DIS3L2: variants seen among roughly 807,000 people sequenced by gnomAD.
DIS3L2 encodes DIS3-like exonuclease 2.
DIS3L2 carries 34 observed loss-of-function variants against 97.5 expected under a neutral mutation model. The ratio of observed to expected loss-of-function variants is 0.35; its 90% CI spans 0.27 to 0.46. DIS3L2 has a LOEUF of 0.46. Among genes scored for constraint, DIS3L2 ranks in the 20% least tolerant of loss-of-function variants. The pLI is 1.00. For synonymous variants in DIS3L2, 435 were observed against 445.2 expected (o/e 0.98, Z 0.29); for missense variants, 1,038 against 1,146.0 (o/e 0.91, Z 1.36).
intron 4 of DIS3L2, among the ~76,000 whole-genome samples, chr2:232,027,707 G>C (rs1157825171): frequency 1.3e-5 from 2 of 152,126 alleles, no homozygotes; most frequent in African/African-American, 2.4e-5. Flanking sequence ...CTTGACTTAG[G>C]TTCATTATAA....
chr2:232,099,842 A>T (rs1306278781), intron 6 of DIS3L2, among the ~76,000 whole-genome samples: 1 of 152,188 alleles, frequency 6.6e-6, no homozygotes, highest in East Asian at 1.9e-4. Flanking sequence ...CTTTATTAGC[A>T]TGTAGATATT....
chr2:232,113,226 C>T (rs1697592271), intron 6 of DIS3L2, among the ~76,000 whole-genome samples: 1 of 152,130 alleles, frequency 6.6e-6, no homozygotes, highest in Non-Finnish European at 1.5e-5. Flanking sequence ...CCTAGCTGTC[C>T]TTGAGTTTTT....
chr2:232,163,661 A>G (rs769881106), intron 9 of DIS3L2, 29 bp downstream of exon 9: 15 of 1,602,790 alleles, frequency 9.4e-6, no homozygotes, highest in East Asian at 4.5e-5. Flanking sequence ...TTAAGAACGT[A>G]TATCTCCCTT....
Position 232,086,632 on chromosome 2 carries a change from CAT to C in DIS3L2, c.367-844_367-843del, listed in dbSNP as rs66493057. 3.8e-3 allele frequency among the ~76,000 whole-genome samples: 262 copies of C among 69,130 alleles called. 9 individuals are homozygous for C. The highest frequency in any genetic ancestry group is 9.5e-3 in the African/African-American group (125 of 13,188). The allele number at this position is 69,130 out of a possible 152,430, so 45.4% of individuals were successfully genotyped here. ...GTGTGTGTATATATATATATATACACATATATATATATGTATATATATATATA... is the reference window on the plus strand; with the variant it reads ...GTGTGTGTATATATATATATATACACATATATATATGTATATATATATATA... On this transcript the variant is annotated intron_variant, in intron 5 of 20. Transcript: ENST00000325385.
rs1404889706 is a variant in DIS3L2 at position 232,337,085 on chromosome 2, C to T, written c.*455C>T. The T allele has an allele frequency of 1.9e-6, 2 of 1,026,294 alleles. No homozygotes were observed. Among genetic ancestry groups the T allele is most frequent in the Non-Finnish European group, 2.3e-6 (2 of 857,402 alleles). 63.6% of individuals were successfully genotyped at this position (1,026,294 alleles called of 1,614,324 possible). A position where few individuals can be genotyped will look rare whatever the true frequency, so the allele number is the denominator to read the frequency against. On this transcript the variant is annotated 3_prime_UTR_variant, in exon 21 of 21. Transcript: ENST00000325385. The stretch of plus-strand genomic sequence containing the variant: ...CCCCTCGCTGCTGAGCCGATGTCAA[C>T]ACCTGGAACTTTCCTGTCAGTTCCA...
intron 6 of DIS3L2, among the ~76,000 whole-genome samples, chr2:232,090,957 G>A (rs1294294309): frequency 6.6e-6 from 1 of 152,228 alleles, no homozygotes; most frequent in Non-Finnish European, 1.5e-5. Flanking sequence ...AAACATCTCA[G>A]CATCTCAGAC....
At chr2:232,103,963 C>T (rs1219512338) in intron 6 of DIS3L2, among the ~76,000 whole-genome samples, 1 of 152,174 alleles carries the variant, frequency 6.6e-6, no homozygotes, top group African/African-American at 2.4e-5. Context: ...TTAGTTTCAT[C>T]TGTATCTGTG....
chr2:232,093,210 G>C (rs1014433459), intron 6 of DIS3L2, among the ~76,000 whole-genome samples: 1 of 152,036 alleles, frequency 6.6e-6, no homozygotes, highest in African/African-American at 2.4e-5. Flanking sequence ...TGCGTATGTT[G>C]AGCCATGTTT....
chr2:232,024,639 T>G (rs1175591423), intron 4 of DIS3L2, among the ~76,000 whole-genome samples: 4 of 152,154 alleles, frequency 2.6e-5, no homozygotes, highest in African/African-American at 9.7e-5. Context: ...TTAAAAGGAT[T>G]TATGGTTTTT....
chr2:232,017,769 G>A (rs1384767830), intron 3 of DIS3L2, among the ~76,000 whole-genome samples: 1 of 152,074 alleles, frequency 6.6e-6, no homozygotes, highest in Non-Finnish European at 1.5e-5. Context: ...ATGTAATGGT[G>A]CTTACCTTTT....
At chr2:232,222,857 A>G (rs1191287828) in intron 10 of DIS3L2, among the ~76,000 whole-genome samples, 1 of 152,230 alleles carries the variant, frequency 6.6e-6, no homozygotes, top group African/African-American at 2.4e-5. Context: ...CTGAATAGTC[A>G]TGCGAGGGCT....
At chr2:232,259,859 T>G (rs1295777895) in intron 12 of DIS3L2, 1 of 152,158 alleles carries the variant, frequency 6.6e-6, no homozygotes, top group African/African-American at 2.4e-5. Context: ...GCCAAACTCC[T>G]GACATCAAGC....
chr2:232,054,587 A>G (rs755734224), intron 5 of DIS3L2, among the ~76,000 whole-genome samples: 26 of 151,200 alleles, frequency 1.7e-4, no homozygotes, highest in Non-Finnish European at 2.7e-4. Context: ...AGAACCAGTA[A>G]GTTAAATGGC....
At chr2:232,110,890 T>TAAAA (rs879405561) in intron 6 of DIS3L2, among the ~76,000 whole-genome samples, 2 of 142,540 alleles carry the variant, frequency 1.4e-5, no homozygotes, top group African/African-American at 5.2e-5. Context: ...AGTTGGAAAT[T>TAAAA]AAAAAAAAAA....
chr2:232,264,898 C>T (rs917648923), intron 13 of DIS3L2, among the ~76,000 whole-genome samples: 1 of 152,222 alleles, frequency 6.6e-6, no homozygotes, highest in Admixed American at 6.5e-5. Context: ...TCTCCTGCTC[C>T]TCCTTCCCCA....
At chr2:231,972,170 C>A (rs376302215) in intron 1 of DIS3L2, among the ~76,000 whole-genome samples, 1 of 150,590 alleles carries the variant, frequency 6.6e-6, no homozygotes, top group African/African-American at 2.4e-5. Context: ...GGCTACAGAG[C>A]GAGACTCGGT....
chr2:232,326,550 G>T (rs115186287), intron 14 of DIS3L2, among the ~76,000 whole-genome samples: 2,966 of 152,252 alleles, frequency 0.019, 102 homozygotes, highest in African/African-American at 0.068. Flanking sequence ...GCTACTTGCA[G>T]CATCAGAAGG....
At chr2:232,320,486 A>G (rs1695401199) in intron 14 of DIS3L2, among the ~76,000 whole-genome samples, 1 of 152,228 alleles carries the variant, frequency 6.6e-6, no homozygotes, top group Non-Finnish European at 1.5e-5. Context: ...GTTGGATTTA[A>G]GTGATAACCA....
At chr2:232,045,604 A>T (rs1695217766) in intron 5 of DIS3L2, among the ~76,000 whole-genome samples, 1 of 151,346 alleles carries the variant, frequency 6.6e-6, no homozygotes, top group African/African-American at 2.4e-5. Context: ...AGCCTCTTTT[A>T]TAAGGGCCTA....
Sources: gnomAD v4.1 joint callset for allele counts (sites outside exome capture counted in the v4.1 genomes callset) on GRCh38, gnomAD v4.1.1 for gene constraint, MANE v1.5 for transcripts, NCBI Gene and HGNC (gene_info 2026-07-23, HGNC 2026-07-21) for gene names.